TRAPPC13: variants seen among roughly 807,000 people sequenced by gnomAD.
The protein encoded by TRAPPC13 is trafficking protein particle complex subunit 13.
In TRAPPC13, 39 loss-of-function variants were observed where a neutral mutation model predicts 54.0. That is an observed-to-expected ratio of 0.72 (90% confidence interval 0.56 to 0.94). TRAPPC13 has a LOEUF of 0.94. Among genes scored for constraint, TRAPPC13 ranks in the 40% least tolerant of loss-of-function variants. The pLI is 0.00. For synonymous variants in TRAPPC13, 148 were observed against 167.7 expected, an observed-to-expected ratio of 0.88 and a Z score of 0.91; for missense variants, 386 against 488.1, an observed-to-expected ratio of 0.79 and a Z score of 1.97.
At chr5:65,651,645 G>GT (rs1181493621) in intron 6 of TRAPPC13, among the ~76,000 whole-genome samples, 5 of 99,118 alleles carry the variant, frequency 5.0e-5, no homozygotes, top group African/African-American at 1.6e-4. Flanking sequence ...GCACATTTAT[G>GT]TGGGGGGGGT....
rs199882916 is a variant in TRAPPC13 at position 65,635,938 on chromosome 5, A to G, written c.116-6A>G. 1.8e-4 allele frequency: 286 copies of G among 1,564,520 alleles called. 1 individual carries two copies. Among genetic ancestry groups the G allele is most frequent in the Admixed American group, 3.0e-4 (16 of 53,322 alleles). On this transcript the variant is annotated splice_polypyrimidine_tract_variant and splice_region_variant and intron_variant, in intron 2 of 12. Coordinates refer to ENST00000399438, the MANE Select transcript of TRAPPC13 (RefSeq NM_024941.4). ...GTTAGAATTTTATGTTTTTCTCTTC[A>G]TTCAGGAGATCTCTTTAACCAGCTG...
intron 11 of TRAPPC13, chr5:65,664,019 T>TA (rs1438638993): frequency 1.8e-5 from 9 of 491,724 alleles, no homozygotes; most frequent in Non-Finnish European, 2.5e-5. Flanking sequence ...ACAGGCAGAT[T>TA]AGTCTGAGGC....
At position 65,636,157 on chromosome 5, in the gene TRAPPC13, T is replaced by TG. The variant is rs538137590; in HGVS notation, c.215+114_215+115insG. ...TGATACATTTACCTTTTTTTTTTTT[T>TG]TTCTGAGATGGAGTCTCGCTCTATT... On this transcript the variant is annotated intron_variant, in intron 3 of 12. Coordinates refer to ENST00000399438, the MANE Select transcript of TRAPPC13 (RefSeq NM_024941.4). The TG allele has an allele frequency of 1.6e-4, 118 of 725,918 alleles. 1 individual carries two copies. The highest frequency in any genetic ancestry group is 8.3e-4 in the Middle Eastern group (3 of 3,618). The allele number at this position is 725,918 out of a possible 1,614,324, so 45.0% of individuals were successfully genotyped here. A position where few individuals can be genotyped will look rare whatever the true frequency, so the allele number is the denominator to read the frequency against.
At chr5:65,651,646 T>G (rs113377571) in intron 6 of TRAPPC13, among the ~76,000 whole-genome samples, 26 of 142,428 alleles carry the variant, frequency 1.8e-4, no homozygotes, top group East Asian at 4.3e-4. Context: ...CACATTTATG[T>G]GGGGGGGGTG....
chr5:65,654,224 A>G (rs1756571114), intron 7 of TRAPPC13, among the ~76,000 whole-genome samples: 1 of 152,190 alleles, frequency 6.6e-6, no homozygotes, highest in Admixed American at 6.5e-5. Context: ...CCATAAAGAA[A>G]TAAAAATTCA....
At chr5:65,627,131 CAAAAAAA>C (rs60169195) in intron 1 of TRAPPC13, among the ~76,000 whole-genome samples, 10 of 32,580 alleles carry the variant, frequency 3.1e-4, no homozygotes, top group South Asian at 1.9e-3. Flanking sequence ...GACCCTGTCT[CAAAAAAA>C]AAAAAAAAAA....
intron 1 of TRAPPC13, among the ~76,000 whole-genome samples, chr5:65,625,730 AT>A (rs1440419506): frequency 2.0e-5 from 3 of 151,924 alleles, no homozygotes; most frequent in African/African-American, 4.8e-5. Flanking sequence ...TTTTAGGACA[AT>A]TTTTTTAATG....
chr5:65,650,157 C>CTTTTTTTT (rs34093188), intron 5 of TRAPPC13, among the ~76,000 whole-genome samples: 1 of 78,118 alleles, frequency 1.3e-5, no homozygotes, highest in Non-Finnish European at 2.4e-5. Flanking sequence ...CACACCTGGC[C>CTTTTTTTT]TTTTTTTTTT....
At chr5:65,643,840 A>G (rs1561769274) in intron 4 of TRAPPC13, among the ~76,000 whole-genome samples, 1 of 150,980 alleles carries the variant, frequency 6.6e-6, no homozygotes, top group African/African-American at 2.4e-5. Context: ...AAAGAAAGAA[A>G]AAAAAAAAAA....
intron 4 of TRAPPC13, among the ~76,000 whole-genome samples, chr5:65,641,522 A>G (rs907941588): frequency 2.0e-5 from 3 of 152,026 alleles, no homozygotes; most frequent in African/African-American, 7.2e-5. Context: ...CACCTGGGGA[A>G]TATAATGATC....
intron 1 of TRAPPC13, among the ~76,000 whole-genome samples, chr5:65,632,118 C>T (rs1286003958): frequency 1.3e-5 from 2 of 151,652 alleles, no homozygotes; most frequent in South Asian, 2.1e-4. Context: ...TGGTGGCATG[C>T]GACAGTAGTC....
chr5:65,633,874 C>T (rs1755639457), intron 1 of TRAPPC13, among the ~76,000 whole-genome samples: 1 of 150,632 alleles, frequency 6.6e-6, no homozygotes, highest in South Asian at 2.1e-4. Flanking sequence ...TGTCTTTGCA[C>T]CTTATAATGA....
intron 1 of TRAPPC13, among the ~76,000 whole-genome samples, chr5:65,628,118 T>C (rs927608573): frequency 6.6e-6 from 1 of 152,200 alleles, no homozygotes; most frequent in Non-Finnish European, 1.5e-5. Flanking sequence ...CTTGCAGATA[T>C]TGGAAGGCTC....
At chr5:65,659,865 A>G (rs1376895436) in intron 9 of TRAPPC13, among the ~76,000 whole-genome samples, 2 of 150,624 alleles carry the variant, frequency 1.3e-5, no homozygotes, top group East Asian at 4.0e-4. Flanking sequence ...CTTGGGAGAG[A>G]GGCAGGAAAA....
In TRAPPC13 at chr5:65,625,101, T is replaced by TA; in HGVS notation, c.45dup (p.Val16SerfsTer6). The TA allele has an allele frequency of 6.2e-7, 1 of 1,613,716 alleles. No individual in the cohort carries two copies. The highest frequency in any genetic ancestry group is 8.5e-7 in the Non-Finnish European group (1 of 1,179,620). The stretch of plus-strand genomic sequence containing the variant: ...CCTAAACAGGAGCACCTGCTGGCGC[T>TA]AAAAGGTAAACTTTTGCGAACCTGA... On this transcript the variant is annotated frameshift_variant, in exon 1 of 13. Transcript: ENST00000399438. LOFTEE classifies it high-confidence loss of function.
intron 5 of TRAPPC13, among the ~76,000 whole-genome samples, chr5:65,649,033 T>G (rs1756313605): frequency 1.3e-5 from 2 of 151,972 alleles, no homozygotes; most frequent in African/African-American, 4.8e-5. Flanking sequence ...CTGGGAAACA[T>G]GATGAAATCC....
chr5:65,651,372 C>T (rs1408800312), intron 6 of TRAPPC13, among the ~76,000 whole-genome samples: 2 of 152,166 alleles, frequency 1.3e-5, no homozygotes, highest in Non-Finnish European at 2.9e-5. Context: ...CAGAACAAGA[C>T]TCTGTCTCCG....
intron 1 of TRAPPC13, among the ~76,000 whole-genome samples, chr5:65,632,222 C>T (rs1755576208): frequency 6.6e-6 from 1 of 152,104 alleles, no homozygotes; most frequent in African/African-American, 2.4e-5. Flanking sequence ...CATGATCGTG[C>T]CACTGTAGTC....
chr5:65,636,536 A>C (rs1386691267), intron 3 of TRAPPC13, among the ~76,000 whole-genome samples: 1 of 152,172 alleles, frequency 6.6e-6, no homozygotes, highest in Non-Finnish European at 1.5e-5. Context: ...TACCAAAATA[A>C]AATGTTAATA....
Sources: allele counts gnomAD v4.1 joint callset (sites outside exome capture counted in the v4.1 genomes callset), GRCh38; gene constraint gnomAD v4.1.1; transcripts MANE v1.5; gene names NCBI Gene and HGNC (gene_info 2026-07-23, HGNC 2026-07-21).